The following TNFSF4 variants were observed in gnomAD, a reference collection of about 807,000 sequenced individuals.
TNFSF4 encodes the protein tumor necrosis factor ligand superfamily member 4.
In TNFSF4, 4 loss-of-function variants were observed where a neutral mutation model predicts 7.3. That is an observed-to-expected ratio of 0.55 (90% CI 0.27 to 1.25). TNFSF4 has a LOEUF of 1.25. Ranked by LOEUF, TNFSF4 falls within the 50% of genes most tolerant of loss-of-function variation. TNFSF4 has a pLI of 0.12. For synonymous variants in TNFSF4, 76 were observed against 83.7 expected (o/e 0.91, Z 0.50); for missense variants, 181 against 208.8 (o/e 0.87, Z 0.82).
At chr1:173,205,236 A>AATATACCAC (rs1346803472) in intron 1 of TNFSF4, 1 of 1,566,614 alleles carries the variant, frequency 6.4e-7, no homozygotes, top group African/African-American at 1.4e-5. Flanking sequence ...AAACAACTCA[A>AATATACCAC]ATATACCACC....
chr1:173,260,811 A>T, the TNFSF4 span, among the ~76,000 whole-genome samples: 2 of 152,168 alleles, frequency 1.3e-5, no homozygotes, highest in Non-Finnish European at 2.9e-5. Context: ...TATATGCATC[A>T]AATATAGGAG....
At chr1:173,256,690 C>T in the TNFSF4 span, among the ~76,000 whole-genome samples, 726 of 152,234 alleles carry the variant, frequency 4.8e-3, 8 homozygotes, top group African/African-American at 0.017. Context: ...AGGCTTCTAC[C>T]CATCTCTTAC....
At chr1:173,390,995 C>T in the TNFSF4 span, among the ~76,000 whole-genome samples, 1 of 152,076 alleles carries the variant, frequency 6.6e-6, no homozygotes, top group Non-Finnish European at 1.5e-5. Context: ...ATCCTCCTGC[C>T]TCAGCCTCCC....
chr1:173,390,497 G>A, the TNFSF4 span, among the ~76,000 whole-genome samples: 12 of 152,216 alleles, frequency 7.9e-5, no homozygotes, highest in East Asian at 2.1e-3. Context: ...TGGCATTTCT[G>A]GGTGTTTTGC....
the TNFSF4 span, among the ~76,000 whole-genome samples, chr1:173,342,419 A>T: frequency 6.6e-6 from 1 of 152,192 alleles, no homozygotes; most frequent in Non-Finnish European, 1.5e-5. Context: ...AGCAAATCAC[A>T]GCGTGTTATT....
At chr1:173,308,209 A>C in the TNFSF4 span, among the ~76,000 whole-genome samples, 1 of 150,030 alleles carries the variant, frequency 6.7e-6, no homozygotes, top group Non-Finnish European at 1.5e-5. Flanking sequence ...TTTCAATTTG[A>C]CTGCAGTCAA....
At chr1:173,286,696 T>G in the TNFSF4 span, among the ~76,000 whole-genome samples, 20 of 152,238 alleles carry the variant, frequency 1.3e-4, 1 homozygote, top group South Asian at 3.9e-3. Flanking sequence ...CAAACATTTC[T>G]TAAACAGGAC....
At chr1:173,435,009 T>G in the TNFSF4 span, among the ~76,000 whole-genome samples, 1 of 152,182 alleles carries the variant, frequency 6.6e-6, no homozygotes, top group Admixed American at 6.5e-5. Context: ...GTTCCACCTA[T>G]GAGCTGGCCC....
chr1:173,314,369 G>T, the TNFSF4 span, among the ~76,000 whole-genome samples: 1 of 151,914 alleles, frequency 6.6e-6, no homozygotes, highest in African/African-American at 2.4e-5. Flanking sequence ...TCTTAATTTT[G>T]ATTCATTTCT....
At chr1:173,348,169 G>A in the TNFSF4 span, among the ~76,000 whole-genome samples, 3 of 152,190 alleles carry the variant, frequency 2.0e-5, no homozygotes, top group African/African-American at 7.2e-5. Flanking sequence ...TTGAATTATA[G>A]CTCCCATAAT....
At chr1:173,407,931 A>G in the TNFSF4 span, among the ~76,000 whole-genome samples, 73 of 152,304 alleles carry the variant, frequency 4.8e-4, no homozygotes, top group South Asian at 0.014. Context: ...GCAGAGGTCC[A>G]GGTATGGGAC....
At chr1:173,351,927 C>G in the TNFSF4 span, 3 of 541,296 alleles carry the variant, frequency 5.5e-6, no homozygotes, top group Non-Finnish European at 1.0e-5. Context: ...CAAAAAGATC[C>G]CTGAACAGAA....
At chr1:173,416,196 G>A in the TNFSF4 span, among the ~76,000 whole-genome samples, 1 of 152,136 alleles carries the variant, frequency 6.6e-6, no homozygotes, top group Admixed American at 6.5e-5. Context: ...CTGGGCACAT[G>A]TAGGCTAAGC....
the TNFSF4 span, among the ~76,000 whole-genome samples, chr1:173,232,340 G>T: frequency 1.3e-5 from 2 of 152,210 alleles, no homozygotes; most frequent in African/African-American, 4.8e-5. Flanking sequence ...CTTTGCTGAA[G>T]TTGGTTATCA....
At chr1:173,244,365 G>A in the TNFSF4 span, among the ~76,000 whole-genome samples, 14 of 152,150 alleles carry the variant, frequency 9.2e-5, no homozygotes, top group South Asian at 2.3e-3. Flanking sequence ...AAACCCGGCC[G>A]GGCGCGGTGG....
At chr1:173,368,953 C>A in the TNFSF4 span, among the ~76,000 whole-genome samples, 1 of 152,264 alleles carries the variant, frequency 6.6e-6, no homozygotes, top group African/African-American at 2.4e-5. Context: ...CTGTTCCCTT[C>A]TTTAGGCACC....
the TNFSF4 span, among the ~76,000 whole-genome samples, chr1:173,359,160 T>C: frequency 2.0e-5 from 3 of 152,344 alleles, no homozygotes; most frequent in Middle Eastern, 0.01. Flanking sequence ...GTATTATCAA[T>C]ATGCCTTATC....
the TNFSF4 span, among the ~76,000 whole-genome samples, chr1:173,321,358 C>T: frequency 1.3e-5 from 2 of 151,970 alleles, no homozygotes; most frequent in Non-Finnish European, 1.5e-5. Flanking sequence ...AATGTAAAAC[C>T]CAAAACCCTA....
At chr1:173,425,010 T>C in the TNFSF4 span, among the ~76,000 whole-genome samples, 1 of 152,228 alleles carries the variant, frequency 6.6e-6, no homozygotes, top group Non-Finnish European at 1.5e-5. Flanking sequence ...AGGTTGAGCA[T>C]TGAGTCATGC....
Sources: allele counts gnomAD v4.1 joint callset (sites outside exome capture counted in the v4.1 genomes callset), GRCh38; gene constraint gnomAD v4.1.1; transcripts MANE v1.5; gene names NCBI Gene and HGNC (gene_info 2026-07-23, HGNC 2026-07-21).